CFAP47: variants seen among roughly 807,000 people sequenced by gnomAD.
The protein encoded by CFAP47 is cilia- and flagella-associated protein 47.
In CFAP47, 29 loss-of-function variants were observed where a neutral mutation model predicts 148.1. That is an observed-to-expected ratio of 0.20 (90% confidence interval 0.15 to 0.27). The LOEUF (loss-of-function observed/expected upper bound fraction) is 0.27, where lower values mean the gene tolerates loss of function less well. CFAP47 is among the 10% of genes least tolerant of loss of function. CFAP47 has a pLI of 1.00. For synonymous variants in CFAP47, 664 were observed against 577.3 expected, an observed-to-expected ratio of 1.15 and a Z score of -2.15; for missense variants, 1,872 against 1,697.5, an observed-to-expected ratio of 1.10 and a Z score of -1.81.
chrX:36,255,782 A>G (rs1475594169), intron 49 of CFAP47, among the ~76,000 whole-genome samples: 2 of 111,890 alleles, frequency 1.8e-5, no homozygotes, highest in African/African-American at 6.5e-5. Context: ...AAGTGAAACC[A>G]ATAACTGTGA....
intron 48 of CFAP47, among the ~76,000 whole-genome samples, chrX:36,238,911 C>T (rs1254731130): frequency 8.9e-6 from 1 of 112,070 alleles, no homozygotes; most frequent in Non-Finnish European, 1.9e-5. Flanking sequence ...TACCACTCCA[C>T]TTTGATAATC....
intron 46 of CFAP47, among the ~76,000 whole-genome samples, chrX:36,235,580 C>T (rs1367515884): frequency 8.9e-6 from 1 of 112,618 alleles, no homozygotes; most frequent in African/African-American, 3.2e-5. Flanking sequence ...CCGAGTGAGG[C>T]AATGCCTCGC....
chrX:36,172,070 G>T (rs781207339), intron 39 of CFAP47, among the ~76,000 whole-genome samples: 85 of 108,964 alleles, frequency 7.8e-4, no homozygotes, highest in South Asian at 6.6e-3. Context: ...ATTGTGAATG[G>T]GAGTTCACTC....
chrX:36,317,974 T>A (rs1436895570), intron 56 of CFAP47, among the ~76,000 whole-genome samples: 1 of 111,531 alleles, frequency 9.0e-6, no homozygotes, highest in East Asian at 2.8e-4. Context: ...TTAACAACAC[T>A]CCAAATTCAG....
intron 27 of CFAP47, among the ~76,000 whole-genome samples, chrX:36,067,811 C>T (rs1364472646): frequency 1.8e-5 from 2 of 109,466 alleles, no homozygotes; most frequent in South Asian, 4.1e-4. Flanking sequence ...TACAGGTGCC[C>T]GCCACCATGG....
intron 61 of CFAP47, among the ~76,000 whole-genome samples, chrX:36,362,099 G>A (rs1464240971): frequency 5.4e-5 from 6 of 112,080 alleles, no homozygotes. Flanking sequence ...GTGCTTTATT[G>A]TGTCTAAATG....
chrX:36,289,104 G>A (rs1556005172), intron 51 of CFAP47, among the ~76,000 whole-genome samples: 1 of 103,248 alleles, frequency 9.7e-6, no homozygotes, highest in Non-Finnish European at 2.0e-5. Flanking sequence ...GGGTTCAAGC[G>A]ATTCTCCTGC....
intron 57 of CFAP47, among the ~76,000 whole-genome samples, chrX:36,338,819 T>C (rs1556015304): frequency 8.9e-6 from 1 of 112,103 alleles, no homozygotes; most frequent in Non-Finnish European, 1.9e-5. Context: ...TACAGATATC[T>C]ATGAGGCTTC....
intron 62 of CFAP47, among the ~76,000 whole-genome samples, chrX:36,377,017 C>G (rs1249519928): frequency 9.0e-6 from 1 of 111,306 alleles, no homozygotes; most frequent in Non-Finnish European, 1.9e-5. Context: ...TTAATCCAGT[C>G]TATCATTGAT....
At chrX:36,295,623 T>G (rs1481009571) in intron 51 of CFAP47, among the ~76,000 whole-genome samples, 1 of 112,201 alleles carries the variant, frequency 8.9e-6, no homozygotes, top group Non-Finnish European at 1.9e-5. Flanking sequence ...GTTTCTTCTC[T>G]TTAACTTAGT....
intron 51 of CFAP47, among the ~76,000 whole-genome samples, chrX:36,298,640 G>A (rs1303965343): frequency 9.0e-6 from 1 of 111,511 alleles, no homozygotes; most frequent in East Asian, 2.8e-4. Flanking sequence ...ACCATTCCTA[G>A]AGTAAACACT....
chrX:35,951,751 AT>A, intron 5 of CFAP47, 51 bp from the exon 6 acceptor site: 3 of 1,032,340 alleles, frequency 2.9e-6, no homozygotes, highest in Non-Finnish European at 2.5e-6. Flanking sequence ...CTCCTCAAAA[AT>A]TTTTTTGTGT....
intron 48 of CFAP47, among the ~76,000 whole-genome samples, chrX:36,251,080 G>A (rs1174001108): frequency 1.8e-5 from 2 of 110,935 alleles, no homozygotes; most frequent in African/African-American, 3.3e-5. Context: ...CAGAATATAA[G>A]CATCATTTGT....
chrX:36,222,823 A>G (rs1486277723), intron 45 of CFAP47, among the ~76,000 whole-genome samples: 2 of 111,558 alleles, frequency 1.8e-5, no homozygotes, highest in South Asian at 3.7e-4. Context: ...TAATAATATA[A>G]CCAAAATGGG....
chrX:36,234,819 G>A (rs868915590), intron 46 of CFAP47, among the ~76,000 whole-genome samples: 94 of 111,862 alleles, frequency 8.4e-4, no homozygotes, highest in Non-Finnish European at 1.5e-3. Context: ...CTGTTTGTTA[G>A]TTTTCCTTCT....
In CFAP47 at chrX:36,046,947, C is replaced by T. The variant is rs781501976; in HGVS notation, c.4101C>T (p.Val1367=). 1.7e-6 allele frequency: 2 copies of T among 1,160,487 alleles called. No homozygotes were observed. The highest frequency in any genetic ancestry group is 1.8e-5 in the African/African-American group (1 of 55,543). ...CTGTGAAATTTCCAAAAGGCAGAGT[C>T]ATCCCAGGCTCTCACAGTGGAATTA... ...PLSVKFPKGR[V]IPGSHSGINN... is the part of the protein sequence containing the mutation. The change falls in exon 26 of 64, where the codon GTC becomes GTT. Residue 1367 remains valine (V), a synonymous_variant. Transcript: ENST00000378653.
At chrX:36,099,389 G>A (rs1938334096) in intron 31 of CFAP47, among the ~76,000 whole-genome samples, 1 of 109,666 alleles carries the variant, frequency 9.1e-6, no homozygotes, top group Non-Finnish European at 1.9e-5. Flanking sequence ...TGCTTGCCAT[G>A]TGACATGAGT....
At chrX:36,231,857 T>G (rs1327140813) in intron 46 of CFAP47, among the ~76,000 whole-genome samples, 1 of 111,825 alleles carries the variant, frequency 8.9e-6, no homozygotes, top group Non-Finnish European at 1.9e-5. Context: ...CTTTTCTGCA[T>G]CTATTGAGAT....
intron 59 of CFAP47, among the ~76,000 whole-genome samples, chrX:36,350,691 T>A (rs1416552999): frequency 1.9e-5 from 2 of 103,085 alleles, no homozygotes; most frequent in Non-Finnish European, 3.8e-5. Context: ...ATTATTTATT[T>A]ATTTTTTTTT....
Sources: allele counts gnomAD v4.1 joint callset (sites outside exome capture counted in the v4.1 genomes callset), GRCh38; gene constraint gnomAD v4.1.1; transcripts MANE v1.5; gene names NCBI Gene and HGNC (gene_info 2026-07-23, HGNC 2026-07-21).